The following DDX54 variants were observed in gnomAD, a reference collection of about 807,000 sequenced individuals.
The protein encoded by DDX54 is ATP-dependent RNA helicase DDX54.
In DDX54, 67 loss-of-function variants were observed where a neutral mutation model predicts 105.5. That is an observed-to-expected ratio of 0.64 (90% CI 0.52 to 0.78). DDX54 has a LOEUF of 0.78. Among genes scored for constraint, DDX54 ranks in the 30% least tolerant of loss-of-function variants. The probability of loss-of-function intolerance (pLI) is 0.00; values close to 1 mark genes in which losing one functional copy is unlikely to be tolerated. For synonymous variants in DDX54, 514 were observed against 509.9 expected, an observed-to-expected ratio of 1.01 and a Z score of -0.11; for missense variants, 1,206 against 1,230.5, an observed-to-expected ratio of 0.98 and a Z score of 0.30.
chr12:113,182,031 A>G (rs1952474179), intron 1 of DDX54, among the ~76,000 whole-genome samples: 1 of 152,158 alleles, frequency 6.6e-6, no homozygotes, highest in South Asian at 2.1e-4. Context: ...GCAGCAATTC[A>G]TAAGAGTGGC....
intron 12 of DDX54, 79 bp from the exon 13 acceptor site, chr12:113,166,111 T>A (rs1952272810): frequency 7.2e-7 from 1 of 1,392,100 alleles, no homozygotes; most frequent in Non-Finnish European, 9.8e-7. Context: ...CTCTTGGGCC[T>A]CACCCTGGCC....
intron 11 of DDX54, among the ~76,000 whole-genome samples, chr12:113,171,227 G>A (rs1379547696): frequency 6.6e-6 from 1 of 152,204 alleles, no homozygotes; most frequent in Non-Finnish European, 1.5e-5. Context: ...GGCAAAGAAA[G>A]TAGAATAACA....
intron 7 of DDX54, among the ~76,000 whole-genome samples, chr12:113,175,649 C>T (rs949294648): frequency 1.4e-4 from 21 of 152,044 alleles, no homozygotes; most frequent in Admixed American, 2.0e-4. Context: ...ATTAGCCGGG[C>T]GTGGTGGCGG....
At position 113,177,096 on chromosome 12, in the gene DDX54, A is replaced by G. The variant is rs747970699; in HGVS notation, c.615-3T>C. 6.2e-7 allele frequency: 1 copy of G among 1,613,966 alleles called. No homozygotes were observed. The highest frequency in any genetic ancestry group is 1.1e-5 in the South Asian group (1 of 91,046). On this transcript the variant is annotated splice_region_variant and splice_polypyrimidine_tract_variant and intron_variant, in intron 5 of 19. Coordinates refer to ENST00000306014, the MANE Select transcript of DDX54 (RefSeq NM_024072.4). ...GGGCTGCAAACTGGTCTTCCATCCTAGAGAGGAGAGAAGGGGTTAGCTTGA... is the reference window on the plus strand; with the variant it reads ...GGGCTGCAAACTGGTCTTCCATCCTGGAGAGGAGAGAAGGGGTTAGCTTGA...
At chr12:113,178,844 T>C (rs1007975453) in intron 5 of DDX54, 133 bp downstream of exon 5, 5 of 1,240,858 alleles carry the variant, frequency 4.0e-6, no homozygotes, top group South Asian at 1.5e-5. Flanking sequence ...GGCCCGGCCT[T>C]GTTGGGTTTT....
intron 10 of DDX54, 49 bp downstream of exon 10, chr12:113,174,591 C>A: frequency 1.3e-6 from 2 of 1,592,162 alleles, no homozygotes; most frequent in South Asian, 1.1e-5. Context: ...AACTGCAGCT[C>A]CAAACTCCAG....
chr12:113,178,734 G>C (rs1952433309), intron 5 of DDX54, among the ~76,000 whole-genome samples: 1 of 152,020 alleles, frequency 6.6e-6, no homozygotes, highest in Non-Finnish European at 1.5e-5. Context: ...GTAGAGACAG[G>C]GTTCTGCTAT....
chr12:113,172,773 T>C (rs2305904), intron 10 of DDX54, among the ~76,000 whole-genome samples: 11 of 152,106 alleles, frequency 7.2e-5, no homozygotes, highest in African/African-American at 2.7e-4. Context: ...CTCTGCAGGG[T>C]TGTCTGAGGA....
At position 113,157,390 on chromosome 12, in the gene DDX54, C is replaced by T. The variant is rs988979254; in HGVS notation, c.*1487G>A. 3.4e-6 allele frequency: 2 copies of T among 586,008 alleles called. No individual in the cohort carries two copies. The highest frequency in any genetic ancestry group is 2.1e-5 in the South Asian group (1 of 47,476). 36.3% of individuals were successfully genotyped at this position (586,008 alleles called of 1,614,324 possible). Reference sequence around the variant, plus strand: ...AGGAAGCTGTGAAGGTGTCTGCTCACGCAGCAGTTGGGAAGGTTGGCCTGA... The same window carrying T: ...AGGAAGCTGTGAAGGTGTCTGCTCATGCAGCAGTTGGGAAGGTTGGCCTGA... On this transcript the variant is annotated 3_prime_UTR_variant, in exon 20 of 20. Transcript: ENST00000306014.
Position 113,163,059 on chromosome 12 carries a change from G to C in DDX54, c.2082-14C>G, listed in dbSNP as rs753458461. The C allele has an allele frequency of 1.1e-5, 17 of 1,609,098 alleles. No individual in the cohort carries two copies. The highest frequency in any genetic ancestry group is 3.3e-5 in the Admixed American group (2 of 59,772). On this transcript the variant is annotated splice_polypyrimidine_tract_variant and intron_variant, in intron 16 of 19. Coordinates refer to ENST00000306014, the MANE Select transcript of DDX54 (RefSeq NM_024072.4). The surrounding 1 kb of genome is among the most constrained non-coding windows in gnomAD (Gnocchi z 5.9). ...CTGATGCTCAGGCTGCAGAGGGAGA[G>C]TGGGAGACATAATTGGATTGATGGG... is the stretch of plus-strand genomic sequence containing the variant.
At chr12:113,181,292 A>ATT (rs771201541) in intron 1 of DDX54, among the ~76,000 whole-genome samples, 2 of 139,334 alleles carry the variant, frequency 1.4e-5, no homozygotes, top group South Asian at 2.3e-4. Flanking sequence ...AAGTAAGTAC[A>ATT]TTTTTTTTTT....
chr12:113,179,809 G>A (rs1398873217), intron 3 of DDX54, 126 bp downstream of exon 3: 7 of 1,145,728 alleles, frequency 6.1e-6, no homozygotes, highest in African/African-American at 6.1e-5. Flanking sequence ...CGCTAGCTGG[G>A]GCTTCAGCAG....
intron 1 of DDX54, among the ~76,000 whole-genome samples, chr12:113,182,077 T>C (rs1366854788): frequency 6.6e-6 from 1 of 152,166 alleles, no homozygotes; most frequent in African/African-American, 2.4e-5. Context: ...AGCTAGGTGC[T>C]GCTCTGAGAA....
chr12:113,172,470 T>C lies in DDX54; in HGVS notation c.1162A>G (p.Lys388Glu). The change falls in exon 11 of 20, where the codon AAG becomes GAG. Residue 388 changes from lysine to glutamate, a missense_variant. This residue lies in a region of DDX54 where 961 missense variants were observed against 1,019.1 expected (regional missense o/e 0.94). Coordinates refer to ENST00000306014, the MANE Select transcript of DDX54 (RefSeq NM_024072.4). ...KINLAKFTLG[K>E]CSTLIVTDLA... ...TCAGTCACAATGAGAGTGGAGCACT[T>C]GCCAAGCGTGAATTTGGCGAGATTG... 6.2e-7 allele frequency: 1 copy of C among 1,614,246 alleles called. No homozygotes were observed. Among genetic ancestry groups the C allele is most frequent in the Non-Finnish European group, 8.5e-7 (1 of 1,180,044 alleles).
chr12:113,179,485 TC>T (rs1359939352), intron 3 of DDX54, among the ~76,000 whole-genome samples, 154 bp from the exon 4 acceptor site: 1 of 152,164 alleles, frequency 6.6e-6, no homozygotes, highest in Non-Finnish European at 1.5e-5. Context: ...GCCCATTCTT[TC>T]AAAAGCCTGT....
Position 113,177,095 on chromosome 12 carries a change from T to C in DDX54, c.615-2A>G, listed in dbSNP as rs140302371. 1 of 1,614,026 alleles carries C rather than the reference T, an allele frequency of 6.2e-7. No homozygotes were observed. The highest frequency in any genetic ancestry group is 8.5e-7 in the Non-Finnish European group (1 of 1,179,978). On this transcript the variant is annotated splice_acceptor_variant, in intron 5 of 19. Transcript: ENST00000306014. LOFTEE classifies it high-confidence loss of function. ...AGGGCTGCAAACTGGTCTTCCATCC[T>C]AGAGAGGAGAGAAGGGGTTAGCTTG...
chr12:113,179,299 C>G lies in DDX54; in HGVS notation c.408G>C (p.Val136=). The change falls in exon 4 of 20, where the codon GTG becomes GTC. Residue 136 remains valine (V), a synonymous_variant. Transcript: ENST00000306014. ...CACTGCCCGTCCGGGCCATGGCCACCACGTCCTTGCCATCCAAGATCACCG... is the reference window on the plus strand; with the variant it reads ...CACTGCCCGTCCGGGCCATGGCCACGACGTCCTTGCCATCCAAGATCACCG... ...TIPVILDGKD[V]VAMARTGSGK... is the part of the protein sequence containing the mutation. 1 of 1,613,872 alleles carries G rather than the reference C, an allele frequency of 6.2e-7. No homozygotes were observed.
At position 113,161,885 on chromosome 12, in the gene DDX54, C is replaced by A; in HGVS notation, c.2300+8G>T. 5 of 1,608,894 alleles carry A rather than the reference C, an allele frequency of 3.1e-6. No homozygotes were observed. The highest frequency in any genetic ancestry group is 4.2e-6 in the Non-Finnish European group (5 of 1,179,364). On this transcript the variant is annotated splice_region_variant and intron_variant, in intron 18 of 19. Transcript: ENST00000306014. Reference sequence around the variant, plus strand: ...CCCGCCCCTCCCCAGCCACGCCCCTCAGGATACAGGTCTCGCTTGTAGGAG... The same window carrying A: ...CCCGCCCCTCCCCAGCCACGCCCCTAAGGATACAGGTCTCGCTTGTAGGAG...
intron 6 of DDX54, 41 bp from the exon 7 acceptor site, chr12:113,176,976 G>A (rs2136324180): frequency 6.2e-7 from 1 of 1,613,706 alleles, no homozygotes; most frequent in East Asian, 2.2e-5. Flanking sequence ...CAGGGCCAGG[G>A]CCACCACCAC....
Sources: gnomAD v4.1 joint callset for allele counts (sites outside exome capture counted in the v4.1 genomes callset) on GRCh38, gnomAD v4.1.1 for gene constraint, gnomAD v4.1.1 regional missense constraint, Gnocchi (gnomAD v3.1) non-coding constraint, MANE v1.5 for transcripts, NCBI Gene and HGNC (gene_info 2026-07-23, HGNC 2026-07-21) for gene names.